WDR7: variants seen among roughly 807,000 people sequenced by gnomAD.
The protein encoded by WDR7 is WD repeat-containing protein 7.
In WDR7, 46 loss-of-function variants were observed where a neutral mutation model predicts 169.4. The observed-to-expected ratio is 0.27, with a 90% CI of 0.21 to 0.35. The LOEUF is 0.35. Among genes scored for constraint, WDR7 ranks in the 10% least tolerant of loss-of-function variants. The pLI is 1.00. For missense variants in WDR7, 1,534 were observed against 1,859.3 expected, an observed-to-expected ratio of 0.83 and a Z score of 3.22; for synonymous variants, 612 against 666.8, an observed-to-expected ratio of 0.92 and a Z score of 1.27.
intron 21 of WDR7, among the ~76,000 whole-genome samples, chr18:56,891,632 A>T (rs1273557735): frequency 6.6e-6 from 1 of 152,120 alleles, no homozygotes; most frequent in Non-Finnish European, 1.5e-5. Context: ...TGATATTCTT[A>T]AAAAATCAAG....
chr18:56,662,642 C>G (rs527469003), intron 1 of WDR7, among the ~76,000 whole-genome samples: 1 of 151,980 alleles, frequency 6.6e-6, no homozygotes, highest in African/African-American at 2.4e-5. Flanking sequence ...TTGAGGCAAA[C>G]GTTAGATCCA....
intron 12 of WDR7, among the ~76,000 whole-genome samples, chr18:56,700,565 C>CTTTTT (rs71169389): frequency 8.6e-6 from 1 of 115,836 alleles, no homozygotes; most frequent in African/African-American, 3.4e-5. Flanking sequence ...AATATTGTTT[C>CTTTTT]TTTTTTTTTT....
At chr18:56,742,981 A>G (rs1240721498) in intron 14 of WDR7, among the ~76,000 whole-genome samples, 1 of 152,218 alleles carries the variant, frequency 6.6e-6, no homozygotes, top group Non-Finnish European at 1.5e-5. Flanking sequence ...CTCAAAAGGA[A>G]TTATATATGA....
downstream of WDR7, chr18:57,030,347 C>T (rs2048433560): frequency 6.6e-6 from 1 of 152,196 alleles, no homozygotes; most frequent in Non-Finnish European, 1.5e-5. Flanking sequence ...CATCGTGTAA[C>T]AGTATAATTT....
chr18:56,933,126 G>A (rs1024152412), intron 22 of WDR7, among the ~76,000 whole-genome samples: 3 of 152,152 alleles, frequency 2.0e-5, no homozygotes, highest in Non-Finnish European at 4.4e-5. Flanking sequence ...GCAGAAGCCA[G>A]ACCCTTTCTC....
chr18:56,685,563 G>A (rs2025427429), intron 5 of WDR7, among the ~76,000 whole-genome samples: 2 of 152,244 alleles, frequency 1.3e-5, no homozygotes, highest in Admixed American at 6.5e-5. Flanking sequence ...AAGGTGGCAA[G>A]GTATGTGGGA....
intron 25 of WDR7, 28 bp downstream of exon 25, chr18:56,939,421 A>G: frequency 6.7e-7 from 1 of 1,493,072 alleles, no homozygotes; most frequent in Non-Finnish European, 9.0e-7. Flanking sequence ...AGCATGCAGA[A>G]TAAATAATTT....
intron 26 of WDR7, among the ~76,000 whole-genome samples, chr18:56,980,436 AT>A (rs1162078375): frequency 2.0e-5 from 3 of 152,140 alleles, no homozygotes; most frequent in African/African-American, 7.2e-5. Context: ...CCACTCATTC[AT>A]TTAACACATG....
At chr18:56,852,959 A>T (rs78888246) in intron 20 of WDR7, among the ~76,000 whole-genome samples, 2,120 of 152,338 alleles carry the variant, frequency 0.014, 27 homozygotes, top group East Asian at 0.035. Flanking sequence ...TTCAGTTACC[A>T]TAGGCACACA....
intron 20 of WDR7, among the ~76,000 whole-genome samples, chr18:56,827,542 G>A (rs1352193489): frequency 6.6e-6 from 1 of 151,960 alleles, no homozygotes; most frequent in Non-Finnish European, 1.5e-5. Context: ...GGAGGGTAGA[G>A]AGCCTACCAG....
At chr18:56,777,252 C>A (rs1331129099) in intron 17 of WDR7, among the ~76,000 whole-genome samples, 1 of 152,100 alleles carries the variant, frequency 6.6e-6, no homozygotes, top group African/African-American at 2.4e-5. Context: ...CACTTTGCTG[C>A]CTTTTCACAA....
At chr18:56,867,771 A>G (rs1238689691) in intron 20 of WDR7, among the ~76,000 whole-genome samples, 1 of 152,164 alleles carries the variant, frequency 6.6e-6, no homozygotes, top group Non-Finnish European at 1.5e-5. Context: ...ATCTCTAGGC[A>G]TATGTGCTAA....
chr18:56,912,468 G>A (rs762939940), intron 21 of WDR7, among the ~76,000 whole-genome samples: 5 of 152,154 alleles, frequency 3.3e-5, no homozygotes, highest in Non-Finnish European at 7.3e-5. Context: ...ATATAATTGT[G>A]TACATTCTAT....
chr18:56,684,437 C>CAAT (rs1176633664), intron 5 of WDR7, among the ~76,000 whole-genome samples: 8 of 152,152 alleles, frequency 5.3e-5, no homozygotes, highest in Non-Finnish European at 1.2e-4. Flanking sequence ...CAGCCGCAGA[C>CAAT]AATACATTAG....
intron 26 of WDR7, among the ~76,000 whole-genome samples, chr18:57,004,143 G>A (rs1476401840): frequency 6.6e-6 from 1 of 151,884 alleles, no homozygotes; most frequent in Non-Finnish European, 1.5e-5. Context: ...TGAGGTTATG[G>A]GTGTAGGAGG....
Position 56,848,378 on chromosome 18 carries a change from G to T in WDR7, c.3305-31566G>T, listed in dbSNP as rs550636248. ...GATTTTTTATTTCACAGGCTCATAG[G>T]TAGAAGGAACTTGGCTTGAGTTTCA... On this transcript the variant is annotated intron_variant, in intron 20 of 27. Transcript: ENST00000254442. 5.9e-5 allele frequency among the ~76,000 whole-genome samples: 9 copies of T among 152,252 alleles called. No individual in the cohort carries two copies. The South Asian group carries it at 1.7e-3, about 28-fold the overall frequency.
intron 16 of WDR7, among the ~76,000 whole-genome samples, chr18:56,773,989 C>CT (rs1221612250): frequency 3.2e-4 from 47 of 148,990 alleles, no homozygotes; most frequent in African/African-American, 1.1e-3. Flanking sequence ...TAATTGTATT[C>CT]TTTTTTTAGT....
intron 21 of WDR7, among the ~76,000 whole-genome samples, chr18:56,911,539 A>G (rs2046551752): frequency 6.6e-6 from 1 of 152,214 alleles, no homozygotes. Context: ...TATTTCTCCT[A>G]CACTTACTCT....
At chr18:56,688,195 A>G (rs2025483850) in intron 7 of WDR7, among the ~76,000 whole-genome samples, 2 of 152,092 alleles carry the variant, frequency 1.3e-5, no homozygotes, top group Non-Finnish European at 2.9e-5. Flanking sequence ...CATTACTACT[A>G]TGCTGTACTG....
Sources: gnomAD v4.1 joint callset for allele counts (sites outside exome capture counted in the v4.1 genomes callset) on GRCh38, gnomAD v4.1.1 for gene constraint, MANE v1.5 for transcripts, NCBI Gene and HGNC (gene_info 2026-07-23, HGNC 2026-07-21) for gene names.